Variants in LRRC37A2 observed in about 807,000 individuals in gnomAD.
LRRC37A2 encodes the protein leucine-rich repeat-containing protein 37A2.
LRRC37A2 carries 9 observed loss-of-function variants against 68.8 expected under a neutral mutation model. The ratio of observed to expected loss-of-function variants is 0.13; its 90% CI spans 0.08 to 0.23. The LOEUF (loss-of-function observed/expected upper bound fraction) is 0.23, where lower values mean the gene tolerates loss of function less well. Among genes scored for constraint, LRRC37A2 ranks in the 10% least tolerant of loss-of-function variants. The pLI, the probability that LRRC37A2 is intolerant of heterozygous loss-of-function variation, is 1.00. For synonymous variants in LRRC37A2, 63 were observed against 367.6 expected, an observed-to-expected ratio of 0.17 and a Z score of 9.48; for missense variants, 168 against 950.4, an observed-to-expected ratio of 0.18 and a Z score of 10.82.
chr17:46,986,974 G>C, the LRRC37A2 span, among the ~76,000 whole-genome samples: 1 of 152,128 alleles, frequency 6.6e-6, no homozygotes, highest in Non-Finnish European at 1.5e-5. Context: ...GGCCAGGGGG[G>C]GTGGCTCACA....
chr17:46,737,908 ATATTATTATTATTAT>A, the LRRC37A2 span, among the ~76,000 whole-genome samples: 22,708 of 145,734 alleles, frequency 0.16, 2,040 homozygotes, highest in Non-Finnish European at 0.2. Flanking sequence ...TAAAATTAGC[ATATTATTATTATTAT>A]TATTATTATT....
At chr17:46,792,473 G>A in the LRRC37A2 span, among the ~76,000 whole-genome samples, 2,805 of 152,122 alleles carry the variant, frequency 0.018, 73 homozygotes, top group African/African-American at 0.062. Flanking sequence ...ACTCAGAGTG[G>A]CCATTTTATT....
the LRRC37A2 span, among the ~76,000 whole-genome samples, chr17:46,461,144 A>G: frequency 2.5e-4 from 17 of 68,806 alleles, 5 homozygotes; most frequent in African/African-American, 8.5e-4. Flanking sequence ...CAAAAAGTCA[A>G]TCAAAGGCCA....
chr17:47,018,872 G>T, the LRRC37A2 span: 6 of 1,519,374 alleles, frequency 3.9e-6, no homozygotes, highest in South Asian at 1.1e-5. Context: ...CCATGACAGA[G>T]GTTGAACTTT....
chr17:46,835,193 C>T, the LRRC37A2 span, among the ~76,000 whole-genome samples: 1 of 151,938 alleles, frequency 6.6e-6, no homozygotes, highest in African/African-American at 2.4e-5. Flanking sequence ...CAGATGAGGT[C>T]TTGCCATGTT....
At chr17:46,995,290 G>A in the LRRC37A2 span, among the ~76,000 whole-genome samples, 8 of 152,306 alleles carry the variant, frequency 5.3e-5, no homozygotes, top group South Asian at 1.2e-3. Flanking sequence ...CTACAGCCGA[G>A]CCCCCTGGGC....
At chr17:46,895,427 C>T in the LRRC37A2 span, among the ~76,000 whole-genome samples, 3 of 152,234 alleles carry the variant, frequency 2.0e-5, no homozygotes, top group Admixed American at 2.0e-4. Flanking sequence ...CTCTGTGCCA[C>T]AGCTCTCACC....
the LRRC37A2 span, among the ~76,000 whole-genome samples, chr17:46,908,806 A>T: frequency 6.6e-5 from 10 of 151,956 alleles, no homozygotes; most frequent in Admixed American, 3.9e-4. Flanking sequence ...CAGAAAGCTC[A>T]CCTGGGACTG....
the LRRC37A2 span, among the ~76,000 whole-genome samples, chr17:46,874,384 A>G: frequency 6.6e-6 from 1 of 152,156 alleles, no homozygotes; most frequent in Non-Finnish European, 1.5e-5. Flanking sequence ...CCAAATGGTC[A>G]TACACCGACC....
At chr17:46,978,974 C>T in the LRRC37A2 span, 1 of 1,449,372 alleles carries the variant, frequency 6.9e-7, no homozygotes, top group South Asian at 1.4e-5. Flanking sequence ...TCCACCTCCT[C>T]CAAGCCGCTG....
At chr17:46,994,395 G>C in the LRRC37A2 span, among the ~76,000 whole-genome samples, 1 of 143,054 alleles carries the variant, frequency 7.0e-6, no homozygotes, top group Non-Finnish European at 1.5e-5. Flanking sequence ...CAAAAAAAAA[G>C]AAAAATGCTG....
the LRRC37A2 span, among the ~76,000 whole-genome samples, chr17:46,869,827 C>T: frequency 1.3e-5 from 2 of 151,802 alleles, no homozygotes; most frequent in Non-Finnish European, 2.9e-5. Context: ...GGTGAAACCC[C>T]GTCTCTACTA....
the LRRC37A2 span, chr17:46,722,250 T>G: frequency 1.7e-6 from 2 of 1,144,210 alleles, no homozygotes; most frequent in Non-Finnish European, 1.3e-6. Context: ...CCTACATTCT[T>G]AAGATTAATT....
the LRRC37A2 span, among the ~76,000 whole-genome samples, chr17:46,816,148 C>T: frequency 2.6e-5 from 4 of 151,998 alleles, no homozygotes; most frequent in Non-Finnish European, 4.4e-5. Flanking sequence ...CACGCACGCA[C>T]GCACACACAC....
At chr17:46,501,635 CGGCCTTGTAGAAATCCTATTCCATGTTAA>C in the LRRC37A2 span, among the ~76,000 whole-genome samples, 1 of 151,228 alleles carries the variant, frequency 6.6e-6, no homozygotes, top group South Asian at 2.1e-4. Flanking sequence ...ATTCTTTAAG[CGGCCTTGTAGAAATCCTATTCCATGTTAA>C]CATGCCAACC....
chr17:46,722,118 T>C, the LRRC37A2 span: 1 of 1,611,876 alleles, frequency 6.2e-7, no homozygotes, highest in Admixed American at 1.7e-5. Context: ...CTCGAACTCG[T>C]CCGGCTTCTC....
rs757740581 is a variant in LRRC37A2, at chr17:46,548,683, G to T, written c.3544G>T (p.Val1182Leu). The T allele has an allele frequency of 9.9e-5, 160 of 1,608,364 alleles. 1 individual carries two copies. Among genetic ancestry groups the T allele is most frequent in the Non-Finnish European group, 7.6e-6 (9 of 1,179,774 alleles). Residue 1182 changes from valine to leucine, a missense_variant, in exon 10 of 15, where the codon GTA (valine) becomes TTA (leucine). Val to Leu is a conservative substitution (Grantham distance 32). Transcript: ENST00000576629. ...CATCCAGAAAAGGCACTTCAAAGAG[G>T]TAGGAAGGCAGAGCATCAGGAGGGA...
the LRRC37A2 span, among the ~76,000 whole-genome samples, chr17:47,001,499 G>A: frequency 6.6e-6 from 1 of 152,030 alleles, no homozygotes; most frequent in African/African-American, 2.4e-5. Flanking sequence ...CAGATTTATT[G>A]AGGTATTGAC....
chr17:46,999,658 G>A, the LRRC37A2 span, among the ~76,000 whole-genome samples: 6 of 151,976 alleles, frequency 3.9e-5, no homozygotes, highest in African/African-American at 9.7e-5. Flanking sequence ...CCTGTTAGGC[G>A]TTTCTTAACC....
Sources: gnomAD v4.1 joint callset for allele counts (sites outside exome capture counted in the v4.1 genomes callset) on GRCh38, gnomAD v4.1.1 for gene constraint, MANE v1.5 for transcripts, NCBI Gene and HGNC (gene_info 2026-07-23, HGNC 2026-07-21) for gene names.